Variants in LIMA1 observed in about 807,000 individuals in gnomAD.
LIMA1 encodes the protein LIM domain and actin-binding protein 1.
LIMA1 carries 52 observed loss-of-function variants against 62.6 expected under a neutral mutation model. The ratio of observed to expected loss-of-function variants is 0.83; its 90% CI spans 0.67 to 1.05. The LOEUF is 1.05. LIMA1 is among the 50% of genes least tolerant of loss of function. The probability of loss-of-function intolerance (pLI) is 0.00; values close to 1 mark genes in which losing one functional copy is unlikely to be tolerated. For synonymous variants in LIMA1, 302 were observed against 317.8 expected (o/e 0.95, Z 0.53); for missense variants, 780 against 902.2 (o/e 0.86, Z 1.74).
intron 3 of LIMA1, among the ~76,000 whole-genome samples, chr12:50,229,291 C>T (rs945369527): frequency 5.9e-5 from 9 of 152,106 alleles, no homozygotes; most frequent in Non-Finnish European, 1.2e-4. Context: ...AGCAATCCTC[C>T]CACCTCGGCC....
rs565610170 is a variant in LIMA1 at position 50,201,356 on chromosome 12, A to T, written c.865-472T>A. The T allele has an allele frequency of 4.1e-6, 4 of 984,632 alleles. No homozygotes were observed. In the East Asian group the frequency reaches 4.5e-4, roughly 112 times the overall value. The allele number at this position is 984,632 out of a possible 1,614,324, so 61.0% of individuals were successfully genotyped here. On this transcript the variant is annotated intron_variant, in intron 6 of 10. Coordinates refer to ENST00000341247, the MANE Select transcript of LIMA1 (RefSeq NM_016357.5). The stretch of plus-strand genomic sequence containing the variant: ...AGAGAGACAGGGATGATGTATACAT[A>T]TAAAAACTGAAATTATATTTAATGA...
In LIMA1 at chr12:50,222,290, C is replaced by G. The variant is rs200804891; in HGVS notation, c.361G>C (p.Glu121Gln). ...HAASGAKADQ[E>Q]EQIHPRSRLR... ...CTAGATCTGGGGTGGATTTGTTCTT[C>G]TTGGTCAGCTTTGGCTCCAGAAGCA... The change falls in exon 4 of 11, where the codon GAA becomes CAA. Residue 121 changes from glutamate to glutamine, a missense_variant. Glu to Gln is a conservative substitution (Grantham distance 29). Transcript: ENST00000341247. The G allele has an allele frequency of 3.4e-4, 555 of 1,614,138 alleles. No homozygotes were observed. Among genetic ancestry groups the G allele is most frequent in the Non-Finnish European group, 4.5e-4 (527 of 1,180,028 alleles).
At chr12:50,250,947 T>C (rs1379494400) in intron 1 of LIMA1, among the ~76,000 whole-genome samples, 1 of 152,250 alleles carries the variant, frequency 6.6e-6, no homozygotes, top group Admixed American at 6.5e-5. Flanking sequence ...TGTTACTGTT[T>C]AGTGTTTTTA....
In LIMA1 at chr12:50,177,389, G is replaced by A. The variant is rs758660928; in HGVS notation, c.1955C>T (p.Thr652Ile). ...TCCTTTAGATTCTTTGTTTTGCCAGGTTGTTTTTCCCACATTCCCATTCTT... is the reference window on the plus strand; with the variant it reads ...TCCTTTAGATTCTTTGTTTTGCCAGATTGTTTTTCCCACATTCCCATTCTT... ...SKKNGNVGKT[T>I]WQNKESKGET... Residue 652 changes from threonine to isoleucine, a missense_variant, in exon 11 of 11, where the codon ACC (threonine) becomes ATC (isoleucine). Thr to Ile is a moderately conservative substitution (Grantham distance 89, BLOSUM62 -1). Coordinates refer to ENST00000341247, the MANE Select transcript of LIMA1 (RefSeq NM_016357.5). 3 of 1,613,940 alleles carry A rather than the reference G, an allele frequency of 1.9e-6. No individual in the cohort carries two copies. Among genetic ancestry groups the A allele is most frequent in the South Asian group, 2.2e-5 (2 of 91,076 alleles).
intron 4 of LIMA1, among the ~76,000 whole-genome samples, chr12:50,212,446 A>G (rs563029737): frequency 2.0e-5 from 3 of 152,334 alleles, no homozygotes; most frequent in South Asian, 2.1e-4. Context: ...GTATTGAGAG[A>G]AAAATTTCTT....
chr12:50,177,808 G>A lies in LIMA1; in HGVS notation c.1536C>T (p.Ala512=). Residue 512 remains alanine, a synonymous_variant, in exon 11 of 11, where the codon GCC becomes GCT. Transcript: ENST00000341247. The stretch of plus-strand genomic sequence containing the variant: ...TGTCTTCCTTCTCCTGCTGAGAGGA[G>A]GCCTTGGCTTCCATACTTGCAGCCA... ...GVLAASMEAK[A]SSQQEKEDKP... is the part of the protein sequence containing the mutation. 1 of 1,613,870 alleles carries A rather than the reference G, an allele frequency of 6.2e-7. No homozygotes were observed. Among genetic ancestry groups the A allele is most frequent in the Non-Finnish European group, 8.5e-7 (1 of 1,179,890 alleles).
intron 2 of LIMA1, 67 bp downstream of exon 2, chr12:50,248,566 A>G (rs1941883414): frequency 1.0e-6 from 1 of 986,600 alleles, no homozygotes; most frequent in East Asian, 2.4e-5. Context: ...TCCTTCACCA[A>G]TTTCCCTGAC....
At chr12:50,204,796 T>C (rs1343824525) in intron 5 of LIMA1, 96 bp from the exon 6 acceptor site, 1 of 1,215,022 alleles carries the variant, frequency 8.2e-7, no homozygotes, top group Admixed American at 1.9e-5. Flanking sequence ...CATAGCTCAC[T>C]ACAGCCTCGA....
At chr12:50,178,625 C>T (rs1195957445) in intron 10 of LIMA1, among the ~76,000 whole-genome samples, 1 of 151,760 alleles carries the variant, frequency 6.6e-6, no homozygotes, top group African/African-American at 2.4e-5. Flanking sequence ...CTGGGTCACA[C>T]AGCATGTAGC....
chr12:50,197,375 CCTT>C (rs1940953789), intron 7 of LIMA1, among the ~76,000 whole-genome samples: 1 of 150,908 alleles, frequency 6.6e-6, no homozygotes, highest in Admixed American at 6.6e-5. Flanking sequence ...AGGCACATGT[CCTT>C]TTTTTTTTTT....
intron 1 of LIMA1, among the ~76,000 whole-genome samples, chr12:50,254,683 C>G (rs761823369): frequency 6.6e-6 from 1 of 152,124 alleles, no homozygotes; most frequent in Non-Finnish European, 1.5e-5. Context: ...ACGGTGAGGC[C>G]GGTAACTGCT....
At chr12:50,224,192 A>C (rs1400612325) in intron 3 of LIMA1, 1 of 152,224 alleles carries the variant, frequency 6.6e-6, no homozygotes, top group African/African-American at 2.4e-5. Context: ...TCAACTAAGA[A>C]AGAAAGGACA....
intron 2 of LIMA1, among the ~76,000 whole-genome samples, chr12:50,240,223 T>A (rs1941757670): frequency 6.6e-6 from 1 of 151,834 alleles, no homozygotes; most frequent in South Asian, 2.1e-4. Flanking sequence ...AAGTGTCTCA[T>A]GTATATAGGG....
intron 2 of LIMA1, among the ~76,000 whole-genome samples, chr12:50,246,988 A>T (rs1208340494): frequency 6.6e-6 from 1 of 152,156 alleles, no homozygotes; most frequent in African/African-American, 2.4e-5. Flanking sequence ...AAACATGTCC[A>T]GGCCAGGCAC....
intron 1 of LIMA1, among the ~76,000 whole-genome samples, chr12:50,257,752 A>G (rs946192051): frequency 6.6e-6 from 1 of 152,200 alleles, no homozygotes; most frequent in Non-Finnish European, 1.5e-5. Flanking sequence ...TCAGTCTTAT[A>G]ATGATGGTCT....
rs191003844 is a variant in LIMA1, at chr12:50,236,541, C to T, written c.120-4831G>A. On this transcript the variant is annotated intron_variant, in intron 2 of 10. Coordinates refer to ENST00000341247, the MANE Select transcript of LIMA1 (RefSeq NM_016357.5). Reference sequence around the variant, plus strand: ...TCTCCAACTCCTGACCTCAGGTGTCCGCCTGCCTCAGCCTCCCAAAGTGCT... The same window carrying T: ...TCTCCAACTCCTGACCTCAGGTGTCTGCCTGCCTCAGCCTCCCAAAGTGCT... Among the ~76,000 whole-genome samples the T allele has an allele frequency of 6.0e-4, 92 of 152,096 alleles. 4 individuals are homozygous for T. The East Asian group carries it at 0.017, about 28-fold the overall frequency.
chr12:50,222,648 AC>A, intron 3 of LIMA1, 163 bp from the exon 4 acceptor site: 1 of 1,528,960 alleles, frequency 6.5e-7, no homozygotes, highest in Non-Finnish European at 8.8e-7. Context: ...GAAAGCATCC[AC>A]CCGGCAGAGG....
chr12:50,247,003 G>A (rs993823617), intron 2 of LIMA1, among the ~76,000 whole-genome samples: 2 of 152,126 alleles, frequency 1.3e-5, no homozygotes, highest in African/African-American at 4.8e-5. Flanking sequence ...AGGCACAGTG[G>A]TGTGTGCCTA....
chr12:50,236,830 C>T (rs1186354287), intron 2 of LIMA1, among the ~76,000 whole-genome samples: 3 of 152,024 alleles, frequency 2.0e-5, no homozygotes, highest in Non-Finnish European at 4.4e-5. Flanking sequence ...GTAATCCCAG[C>T]GCTTTGGGAA....
Sources: gnomAD v4.1 joint callset for allele counts (sites outside exome capture counted in the v4.1 genomes callset) on GRCh38, gnomAD v4.1.1 for gene constraint, MANE v1.5 for transcripts, NCBI Gene and HGNC (gene_info 2026-07-23, HGNC 2026-07-21) for gene names.